GLI4: variants seen among roughly 807,000 people sequenced by gnomAD.
GLI4 encodes the protein GLI family zinc finger 4.
Under a neutral mutation model 30.9 loss-of-function variants are expected in GLI4, and 34 were observed. The observed-to-expected ratio is 1.10, with a 90% CI of 0.84 to 1.47. The LOEUF (loss-of-function observed/expected upper bound fraction) is 1.47, where lower values mean the gene tolerates loss of function less well. GLI4 is among the 40% of genes most tolerant of loss of function. GLI4 has a pLI of 0.00. For missense variants in GLI4, 696 were observed against 538.9 expected, an observed-to-expected ratio of 1.29 and a Z score of -2.89; for synonymous variants, 277 against 236.7, an observed-to-expected ratio of 1.17 and a Z score of -1.56.
intron 2 of GLI4, among the ~76,000 whole-genome samples, chr8:143,273,966 T>C (rs912205055): frequency 6.6e-6 from 1 of 152,220 alleles, no homozygotes; most frequent in African/African-American, 2.4e-5. Flanking sequence ...AGCTGACCAC[T>C]GGCCTCGGGC....
At chr8:143,275,225 G>A (rs773439390) in intron 3 of GLI4, 2 of 1,533,536 alleles carry the variant, frequency 1.3e-6, no homozygotes, top group South Asian at 1.2e-5. Flanking sequence ...TTGGAGCTGT[G>A]TCCAGGTCCC....
rs1815204098 is a variant in GLI4 at position 143,268,905 on chromosome 8, G to A, written c.-37-455G>A. Among the ~76,000 whole-genome samples the A allele has an allele frequency of 2.8e-5, 4 of 144,558 alleles. No individual in the cohort carries two copies. In the Admixed American group the frequency reaches 2.8e-4, roughly 10 times the overall value. 94.8% of individuals were successfully genotyped at this position (144,558 alleles called of 152,430 possible). A position where few individuals can be genotyped will look rare whatever the true frequency, so the allele number is the denominator to read the frequency against. On this transcript the variant is annotated intron_variant, in intron 1 of 3. Transcript: ENST00000340042. ...GTCTCCCAGGCTGGAGTGCAGGGGC[G>A]CCATCTCGGCTCACTGCAACCTCCA...
At chr8:143,270,628 AG>A (rs1410869814) in intron 2 of GLI4, among the ~76,000 whole-genome samples, 1 of 152,142 alleles carries the variant, frequency 6.6e-6, no homozygotes, top group African/African-American at 2.4e-5. Flanking sequence ...CTCACCCCTT[AG>A]TCAGAATCTC....
In GLI4 at chr8:143,274,781, G is replaced by T; in HGVS notation, c.202G>T (p.Gly68Cys). 1 of 1,566,724 alleles carries T rather than the reference G, an allele frequency of 6.4e-7. No homozygotes were observed. Among genetic ancestry groups the T allele is most frequent in the East Asian group, 2.4e-5 (1 of 41,976 alleles). ...CCAAGACGTAGAGGAAGTGGAGATC[G>T]GCAGAGACACCTTCTGGCCCGGTGA... ...DLQDVEEVEI[G>C]RDTFWPDSEP... The change falls in exon 3 of 4, where the codon GGC (glycine) becomes TGC (cysteine). Residue 68 changes from glycine to cysteine, a missense_variant. Physicochemically the swap from Gly to Cys is radical, Grantham distance 159 (BLOSUM62 -3). Coordinates refer to ENST00000340042, the MANE Select transcript of GLI4 (RefSeq NM_138465.4).
At chr8:143,272,824 T>C (rs1220704967) in intron 2 of GLI4, among the ~76,000 whole-genome samples, 1 of 152,156 alleles carries the variant, frequency 6.6e-6, no homozygotes, top group Non-Finnish European at 1.5e-5. Context: ...CTTTGCTGCC[T>C]GCACAGGGCA....
chr8:143,271,160 G>A (rs1224307875), intron 2 of GLI4, among the ~76,000 whole-genome samples: 4 of 152,348 alleles, frequency 2.6e-5, no homozygotes, highest in Admixed American at 6.5e-5. Context: ...AGCTTCTGCC[G>A]TCTCCTTGCT....
intron 1 of GLI4, chr8:143,268,022 A>AT: frequency 2.0e-6 from 2 of 985,306 alleles, no homozygotes; most frequent in Non-Finnish European, 2.4e-6. Context: ...CCACGCTGTG[A>AT]TGGTCGCCTC....
Position 143,273,865 on chromosome 8 carries a change from TGAGGGGGCAGGTGAGGCACCAAGGTGGCA to T in GLI4, c.125-838_125-810del, listed in dbSNP as rs1815324733. ...GTGAGGCACCAGGGTGGCACAGCAC[TGAGGGGGCAGGTGAGGCACCAAGGTGGCA>T]CAGCACTGAGGAGACAGGTGAGACC... On this transcript the variant is annotated intron_variant, in intron 2 of 3. Transcript: ENST00000340042. 1.4e-3 allele frequency among the ~76,000 whole-genome samples: 17 copies of T among 11,794 alleles called. No individual in the cohort carries two copies. In the South Asian group the frequency reaches 0.092, roughly 64 times the overall value. The allele number at this position is 11,794 out of a possible 152,430, so 7.7% of individuals were successfully genotyped here. A position where few individuals can be genotyped will look rare whatever the true frequency, so the allele number is the denominator to read the frequency against.
At chr8:143,275,846 C>G (rs969359571) in intron 3 of GLI4, 51 bp from the exon 4 acceptor site, 11 of 1,255,356 alleles carry the variant, frequency 8.8e-6, no homozygotes, top group Non-Finnish European at 1.1e-5. Flanking sequence ...TCCCTCCGTG[C>G]CACGGTGGGG....
chr8:143,274,966 C>T, intron 3 of GLI4, 164 bp downstream of exon 3: 5 of 1,484,664 alleles, frequency 3.4e-6, no homozygotes, highest in Non-Finnish European at 3.6e-6. Context: ...CCCTCCCCCA[C>T]TCTAATGCCA....
At chr8:143,268,375 A>G (rs1213584742) in intron 1 of GLI4, among the ~76,000 whole-genome samples, 4 of 152,312 alleles carry the variant, frequency 2.6e-5, no homozygotes, top group African/African-American at 9.6e-5. Context: ...ACTCTATCAC[A>G]GTATGAAAGA....
At chr8:143,275,531 A>T in intron 3 of GLI4, 1 of 1,262,742 alleles carries the variant, frequency 7.9e-7, no homozygotes, top group Non-Finnish European at 9.9e-7. Flanking sequence ...CGCCCTCTGG[A>T]GCTCTGGCGT....
At chr8:143,272,801 G>T (rs567724873) in intron 2 of GLI4, among the ~76,000 whole-genome samples, 198 of 152,254 alleles carry the variant, frequency 1.3e-3, no homozygotes, top group African/African-American at 4.6e-3. Context: ...CCTAGAGAAG[G>T]TCCTAGGAAG....
intron 2 of GLI4, among the ~76,000 whole-genome samples, chr8:143,272,721 C>G (rs1020397035): frequency 5.9e-5 from 9 of 152,150 alleles, no homozygotes; most frequent in African/African-American, 1.9e-4. Context: ...GTGTCAGGAT[C>G]CAGGGTTAGG....
chr8:143,276,044 A>G lies in GLI4; in HGVS notation c.371A>G (p.Glu124Gly). The change falls in exon 4 of 4, where the codon GAG becomes GGG. Residue 124 changes from glutamate (E) to glycine (G), a missense_variant. Glu to Gly is a moderately conservative substitution (Grantham distance 98). Transcript: ENST00000340042. ...SAGFGPESSA[E>G]RPAGQPPGAV... is the part of the protein sequence containing the mutation. ...GGCTTCGGGCCTGAATCCAGCGCGG[A>G]GCGGCCGGCGGGCCAGCCGCCTGGG... 1 of 1,376,840 alleles carries G rather than the reference A, an allele frequency of 7.3e-7. No individual in the cohort carries two copies. 85.3% of individuals were successfully genotyped at this position (1,376,840 alleles called of 1,614,324 possible). A position where few individuals can be genotyped will look rare whatever the true frequency, so the allele number is the denominator to read the frequency against.
At chr8:143,275,592 G>T in intron 3 of GLI4, 2 of 1,248,676 alleles carry the variant, frequency 1.6e-6, no homozygotes, top group Non-Finnish European at 2.0e-6. Flanking sequence ...CCTGGCTAAG[G>T]GTGACCCCAT....
rs927111889 is a variant in GLI4, at chr8:143,275,935, G to A, written c.262G>A (p.Gly88Ser). ...PKPEQAPRSP[G>S]SQAPDEGAGG... ...GCCGGAGCAGGCTCCACGCTCTCCT[G>A]GCTCTCAGGCCCCTGACGAGGGGGC... is the stretch of plus-strand genomic sequence containing the variant. Residue 88 changes from glycine to serine, a missense_variant, in exon 4 of 4, where the codon GGC becomes AGC. Gly to Ser is a moderately conservative substitution (Grantham distance 56). Coordinates refer to ENST00000340042, the MANE Select transcript of GLI4 (RefSeq NM_138465.4). The A allele has an allele frequency of 3.8e-6, 5 of 1,329,636 alleles. No homozygotes were observed. The African/African-American group carries it at 7.6e-5, about 20-fold the overall frequency. The allele number at this position is 1,329,636 out of a possible 1,614,324, so 82.4% of individuals were successfully genotyped here. A position where few individuals can be genotyped will look rare whatever the true frequency, so the allele number is the denominator to read the frequency against.
intron 2 of GLI4, among the ~76,000 whole-genome samples, chr8:143,272,676 A>G (rs1815295863): frequency 6.6e-6 from 1 of 152,198 alleles, no homozygotes; most frequent in South Asian, 2.1e-4. Flanking sequence ...GTGGCAGGTG[A>G]CTGAGCTCTG....
chr8:143,267,507 G>T (rs959298825), intron 1 of GLI4, 23 bp downstream of exon 1: 1 of 986,376 alleles, frequency 1.0e-6, no homozygotes, highest in South Asian at 4.6e-5. Flanking sequence ...GGGCGGCGGC[G>T]GCGGCTCCGG....
Sources: allele counts gnomAD v4.1 joint callset (sites outside exome capture counted in the v4.1 genomes callset), GRCh38; gene constraint gnomAD v4.1.1; transcripts MANE v1.5; gene names NCBI Gene and HGNC (gene_info 2026-07-23, HGNC 2026-07-21).